Variants in HOMER2 observed in about 807,000 individuals in gnomAD.
The protein encoded by HOMER2 is homer scaffold protein 2.
A neutral mutation model predicts 47.0 loss-of-function variants in HOMER2; 27 were observed. The ratio of observed to expected loss-of-function variants is 0.57; its 90% CI spans 0.42 to 0.79. The LOEUF is 0.79. Ranked by LOEUF, HOMER2 falls within the 30% of genes least tolerant of loss-of-function variation. The pLI, the probability that HOMER2 is intolerant of heterozygous loss-of-function variation, is 0.00. For synonymous variants in HOMER2, 161 were observed against 163.8 expected, an observed-to-expected ratio of 0.98 and a Z score of 0.13; for missense variants, 443 against 435.0, an observed-to-expected ratio of 1.02 and a Z score of -0.16.
chr15:82,845,241 C>T (rs1382184280), downstream of HOMER2: 1 of 151,826 alleles, frequency 6.6e-6, no homozygotes, highest in African/African-American at 2.4e-5. Flanking sequence ...CACACACACA[C>T]ACACACACAC....
exon 2 of HOMER2, chr15:82,842,461 A>ATTTTTTTTTTTTTTTTTTTTTTTTTTT (rs372884842): frequency 8.9e-6 from 1 of 112,792 alleles, no homozygotes; most frequent in African/African-American, 3.4e-5. Context: ...CAGCCAGCTA[A>ATTTTTTTTTTTTTTTTTTTTTTTTTTT]TTTTTTTTTT....
chr15:82,952,970 CTGGCGCAGTGCCATCAA>C (rs2151243871), upstream of HOMER2, among the ~76,000 whole-genome samples: 1 of 152,322 alleles, frequency 6.6e-6, no homozygotes, highest in African/African-American at 2.4e-5. Flanking sequence ...ACCCGGGGCC[CTGGCGCAGTGCCATCAA>C]CATCCTGCCT....
At chr15:82,834,750 C>T (rs1264047223), downstream of HOMER2, 7 of 152,502 alleles carry the variant, frequency 4.6e-5, no homozygotes, top group East Asian at 7.7e-4. Context: ...GCATCACTCA[C>T]GGGGTAATGA....
Position 82,952,683 on chromosome 15 carries a change from C to G in HOMER2, c.-148G>C. 1 of 987,590 alleles carries G rather than the reference C, an allele frequency of 1.0e-6. No homozygotes were observed. The highest frequency in any genetic ancestry group is 1.2e-6 in the Non-Finnish European group (1 of 832,610). 61.2% of individuals were successfully genotyped at this position (987,590 alleles called of 1,614,324 possible). A position where few individuals can be genotyped will look rare whatever the true frequency, so the allele number is the denominator to read the frequency against. On this transcript the variant is annotated 5_prime_UTR_variant, in exon 1 of 9. Coordinates refer to ENST00000450735, the MANE Select transcript of HOMER2 (RefSeq NM_004839.4). ...CGCTCCATTCCGCGGGGCTGCGCGG[C>G]TGCCACTGCTGCCACTGCCGCCACC...
At chr15:82,941,359 G>A (rs780001201) in intron 1 of HOMER2, among the ~76,000 whole-genome samples, 28 of 147,344 alleles carry the variant, frequency 1.9e-4, no homozygotes, top group African/African-American at 5.6e-4. Flanking sequence ...CGCAAGAATC[G>A]CTTGAACCGG....
At chr15:82,943,175 T>C (rs977936089) in intron 1 of HOMER2, among the ~76,000 whole-genome samples, 1 of 152,226 alleles carries the variant, frequency 6.6e-6, no homozygotes, top group Non-Finnish European at 1.5e-5. Flanking sequence ...AAATGCTCTA[T>C]ACACATTTTC....
At chr15:82,878,260 A>C (rs936369109) in intron 2 of HOMER2, among the ~76,000 whole-genome samples, 1 of 152,212 alleles carries the variant, frequency 6.6e-6, no homozygotes, top group African/African-American at 2.4e-5. Flanking sequence ...GAGGCAGTCA[A>C]GCTAGAATAA....
chr15:82,859,148 T>A lies in HOMER2; in HGVS notation c.388-13A>T. On this transcript the variant is annotated splice_polypyrimidine_tract_variant and intron_variant, in intron 4 of 8. Coordinates refer to ENST00000450735, the MANE Select transcript of HOMER2 (RefSeq NM_004839.4). The stretch of plus-strand genomic sequence containing the variant: ...TGACACTGGATGCCTGAGTAGAAGA[T>A]GGGGTTTCACGCCCAGATTCCTGGC... 1.2e-6 allele frequency: 2 copies of A among 1,613,992 alleles called. No homozygotes were observed. Among genetic ancestry groups the A allele is most frequent in the Non-Finnish European group, 1.7e-6 (2 of 1,179,888 alleles).
chr15:82,916,654 G>A (rs117817423), intron 1 of HOMER2, among the ~76,000 whole-genome samples: 1,633 of 152,268 alleles, frequency 0.011, 8 homozygotes, highest in Non-Finnish European at 0.016. Flanking sequence ...GGTCGGCAGA[G>A]GGGGAGAGGT....
At chr15:82,967,713 C>T (rs867769119) in intron 1 of HOMER2, among the ~76,000 whole-genome samples, 15 of 152,050 alleles carry the variant, frequency 9.9e-5, no homozygotes, top group Non-Finnish European at 1.6e-4. Context: ...ACCTCTACTA[C>T]TAAAAATACA....
At chr15:82,947,434 G>A (rs1389090669) in intron 1 of HOMER2, among the ~76,000 whole-genome samples, 2 of 152,336 alleles carry the variant, frequency 1.3e-5, no homozygotes, top group East Asian at 1.9e-4. Flanking sequence ...ATAAGTGAGT[G>A]TAAAATGAAG....
intron 1 of HOMER2, among the ~76,000 whole-genome samples, chr15:82,904,907 A>G (rs1188209463): frequency 1.3e-5 from 2 of 152,294 alleles, no homozygotes; most frequent in South Asian, 4.2e-4. Context: ...ATAAAATAAA[A>G]AATAGTTTGA....
intron 1 of HOMER2, among the ~76,000 whole-genome samples, chr15:82,946,955 A>T (rs2054396092): frequency 6.6e-6 from 1 of 152,224 alleles, no homozygotes; most frequent in African/African-American, 2.4e-5. Context: ...TACCCAAAGG[A>T]CTATAACATT....
rs1345363263 is a variant in HOMER2, at chr15:82,929,911, G to C, written c.5+22620C>G. 2.0e-5 allele frequency among the ~76,000 whole-genome samples: 3 copies of C among 151,970 alleles called. No individual in the cohort carries two copies. In the East Asian group the frequency reaches 5.9e-4, roughly 30 times the overall value. On this transcript the variant is annotated intron_variant, in intron 1 of 8. Transcript: ENST00000450735. ...ACGCCTGGCTAATTTTGTATTTTTA[G>C]TAGAGATGGGGCTTCTCCATGTTGG... is the stretch of plus-strand genomic sequence containing the variant.
chr15:82,844,586 T>TTA (rs2051213894), downstream of HOMER2: 1 of 152,176 alleles, frequency 6.6e-6, no homozygotes. Flanking sequence ...AACTGAAATG[T>TTA]TAACAGTGGT....
chr15:82,900,017 C>T (rs2127648), intron 1 of HOMER2, among the ~76,000 whole-genome samples: 16,017 of 151,842 alleles, frequency 0.11, 978 homozygotes, highest in East Asian at 0.22. Flanking sequence ...GTAGGTGAGA[C>T]TCCATCTCAA....
intron 1 of HOMER2, among the ~76,000 whole-genome samples, chr15:82,967,658 G>A (rs1393829165): frequency 1.3e-5 from 2 of 152,222 alleles, no homozygotes; most frequent in East Asian, 3.9e-4. Context: ...GGTGGATCAC[G>A]AGGTCAGGAG....
intron 5 of HOMER2, among the ~76,000 whole-genome samples, chr15:82,857,107 CG>C (rs534517020): frequency 2.0e-5 from 3 of 151,512 alleles, no homozygotes; most frequent in South Asian, 2.1e-4. Flanking sequence ...TCTTAGGAGG[CG>C]GGGGGGCGGG....
chr15:82,877,894 G>C (rs1057316609), intron 2 of HOMER2, among the ~76,000 whole-genome samples: 1 of 152,138 alleles, frequency 6.6e-6, no homozygotes, highest in Non-Finnish European at 1.5e-5. Context: ...AAGTGTAGGG[G>C]AAAGCTATGG....
Sources: allele counts gnomAD v4.1 joint callset (sites outside exome capture counted in the v4.1 genomes callset), GRCh38; gene constraint gnomAD v4.1.1; transcripts MANE v1.5; gene names NCBI Gene and HGNC (gene_info 2026-07-23, HGNC 2026-07-21).